The following ASCC3 variants were observed in gnomAD, a reference collection of about 807,000 sequenced individuals.
ASCC3 encodes the protein ASC-1 complex subunit P200.
In ASCC3, 158 loss-of-function variants were observed where a neutral mutation model predicts 256.3. The ratio of observed to expected loss-of-function variants is 0.62; its 90% CI spans 0.54 to 0.70. The LOEUF (loss-of-function observed/expected upper bound fraction) is 0.70, where lower values mean the gene tolerates loss of function less well. ASCC3 is among the 30% of genes least tolerant of loss of function. The pLI is 0.00. For synonymous variants in ASCC3, 948 were observed against 883.4 expected, an observed-to-expected ratio of 1.07 and a Z score of -1.30; for missense variants, 2,259 against 2,626.0, an observed-to-expected ratio of 0.86 and a Z score of 3.05.
At chr6:100,837,519 A>C (rs1771933432) in intron 4 of ASCC3, among the ~76,000 whole-genome samples, 1 of 152,094 alleles carries the variant, frequency 6.6e-6, no homozygotes, top group Admixed American at 6.6e-5. Flanking sequence ...ATAAATATAT[A>C]GTATATACAC....
intron 10 of ASCC3, among the ~76,000 whole-genome samples, chr6:100,752,672 A>C (rs1780992198): frequency 1.3e-5 from 2 of 152,150 alleles, no homozygotes; most frequent in Non-Finnish European, 2.9e-5. Context: ...TAAATGGGCT[A>C]AATTCTATTT....
At chr6:100,816,999 T>A (rs1197247070) in intron 4 of ASCC3, among the ~76,000 whole-genome samples, 1 of 151,720 alleles carries the variant, frequency 6.6e-6, no homozygotes, top group East Asian at 1.9e-4. Context: ...CTAACAGACA[T>A]CTATAGAACA....
At chr6:100,743,107 G>T (rs920015432) in intron 10 of ASCC3, among the ~76,000 whole-genome samples, 6 of 152,214 alleles carry the variant, frequency 3.9e-5, no homozygotes, top group South Asian at 4.1e-4. Flanking sequence ...CTGGTCCACA[G>T]GTTGCTTCCT....
intron 10 of ASCC3, among the ~76,000 whole-genome samples, chr6:100,736,160 T>C (rs1780149505): frequency 8.7e-6 from 1 of 115,250 alleles, no homozygotes; most frequent in African/African-American, 3.2e-5. Context: ...GTGATAACTA[T>C]TCTTGTCTAA....
At chr6:100,625,638 A>T (rs1190866419) in intron 29 of ASCC3, among the ~76,000 whole-genome samples, 16 of 152,060 alleles carry the variant, frequency 1.1e-4, no homozygotes, top group Admixed American at 9.8e-4. Flanking sequence ...CTCCATTAAG[A>T]GCTATACATG....
At chr6:100,547,628 A>G (rs1299168970) in intron 36 of ASCC3, among the ~76,000 whole-genome samples, 1 of 152,080 alleles carries the variant, frequency 6.6e-6, no homozygotes, top group Non-Finnish European at 1.5e-5. Context: ...AATTAAAATA[A>G]CTGTGACATA....
chr6:100,620,052 G>A (rs2114843490), intron 30 of ASCC3, among the ~76,000 whole-genome samples: 1 of 152,248 alleles, frequency 6.6e-6, no homozygotes, highest in African/African-American at 2.4e-5. Context: ...TGAGTTTGAG[G>A]AGTGAAAGGG....
At chr6:100,783,845 A>G (rs1344436283) in intron 8 of ASCC3, among the ~76,000 whole-genome samples, 1 of 152,294 alleles carries the variant, frequency 6.6e-6, no homozygotes, top group Non-Finnish European at 1.5e-5. Flanking sequence ...ATTTTTACTG[A>G]GCACGTACTA....
At position 100,553,981 on chromosome 6, in the gene ASCC3, CTAAGAA is replaced by C. The variant is rs112600671; in HGVS notation, c.5551-13600_5551-13595del. Among the ~76,000 whole-genome samples, 5 of 152,202 alleles carry C rather than the reference CTAAGAA, an allele frequency of 3.3e-5. 1 individual carries two copies. Among genetic ancestry groups the C allele is most frequent in the African/African-American group, 1.2e-4 (5 of 41,550 alleles). On this transcript the variant is annotated intron_variant, in intron 36 of 41. Coordinates refer to ENST00000369162, the MANE Select transcript of ASCC3 (RefSeq NM_006828.4). ...TCACATAACTCACTTGCTTGTTCTC[CTAAGAA>C]TAATATGGCAAAATCTGTACAGCTA...
At chr6:100,719,411 T>C (rs1483120656) in intron 11 of ASCC3, among the ~76,000 whole-genome samples, 1 of 152,084 alleles carries the variant, frequency 6.6e-6, no homozygotes, top group Non-Finnish European at 1.5e-5. Flanking sequence ...GTACTAGTGG[T>C]GATTTGGAAA....
intron 8 of ASCC3, among the ~76,000 whole-genome samples, chr6:100,787,505 G>C (rs894741619): frequency 1.3e-5 from 2 of 151,960 alleles, no homozygotes; most frequent in African/African-American, 4.8e-5. Context: ...TAAAATCTCA[G>C]CAGAAAATTT....
chr6:100,576,736 TAGAAGG>T lies in ASCC3; in HGVS notation c.5550+12892_5550+12897del, dbSNP rs1453656794. On this transcript the variant is annotated intron_variant, in intron 36 of 41. Coordinates refer to ENST00000369162, the MANE Select transcript of ASCC3 (RefSeq NM_006828.4). Reference sequence around the variant, plus strand: ...GATTAAAATAAATGGGTTTCTATTGTAGAAGGAGATTAGTGAAGAGAAAGTTTCGAT... The same window carrying T: ...GATTAAAATAAATGGGTTTCTATTGTAGATTAGTGAAGAGAAAGTTTCGAT... Among the ~76,000 whole-genome samples the T allele has an allele frequency of 2.6e-5, 4 of 152,102 alleles. No homozygotes were observed. In the East Asian group the frequency reaches 7.7e-4, roughly 29 times the overall value.
At chr6:100,711,669 G>T (rs1778860378) in intron 13 of ASCC3, among the ~76,000 whole-genome samples, 1 of 152,210 alleles carries the variant, frequency 6.6e-6, no homozygotes, top group South Asian at 2.1e-4. Context: ...GGTGGAGGTT[G>T]TGGTGAGCTG....
chr6:100,792,338 A>C (rs1422429205), intron 8 of ASCC3, among the ~76,000 whole-genome samples: 1 of 151,942 alleles, frequency 6.6e-6, no homozygotes, highest in Non-Finnish European at 1.5e-5. Context: ...TGGTAAAATT[A>C]TGTCTATCTT....
intron 30 of ASCC3, among the ~76,000 whole-genome samples, chr6:100,613,182 T>TTA (rs1479402226): frequency 3.3e-5 from 5 of 151,888 alleles, no homozygotes; most frequent in African/African-American, 9.7e-5. Context: ...GTCAGGGCTT[T>TTA]TAGGGTACCC....
At chr6:100,635,199 GTA>G (rs763864562) in intron 25 of ASCC3, among the ~76,000 whole-genome samples, 8 of 150,722 alleles carry the variant, frequency 5.3e-5, no homozygotes, top group South Asian at 2.1e-4. Context: ...ATGTGTGTGT[GTA>G]TATATATATA....
chr6:100,697,305 G>A (rs1476915232), intron 13 of ASCC3, among the ~76,000 whole-genome samples: 1 of 151,964 alleles, frequency 6.6e-6, no homozygotes, highest in African/African-American at 2.4e-5. Context: ...ACATTTTGCT[G>A]CTTGAGACAT....
chr6:100,871,295 C>G (rs1234324357), intron 1 of ASCC3, among the ~76,000 whole-genome samples: 1 of 152,082 alleles, frequency 6.6e-6, no homozygotes, highest in Non-Finnish European at 1.5e-5. Flanking sequence ...GGGGCTTCCC[C>G]ATGTTGGTCA....
At chr6:100,773,649 G>A (rs1181480494) in intron 8 of ASCC3, among the ~76,000 whole-genome samples, 2 of 151,970 alleles carry the variant, frequency 1.3e-5, no homozygotes, top group African/African-American at 2.4e-5. Flanking sequence ...TCTTTTATAT[G>A]TATTTCTGAC....
Sources: gnomAD v4.1 joint callset for allele counts (sites outside exome capture counted in the v4.1 genomes callset) on GRCh38, gnomAD v4.1.1 for gene constraint, MANE v1.5 for transcripts, NCBI Gene and HGNC (gene_info 2026-07-23, HGNC 2026-07-21) for gene names.